Variants in HECTD4 observed in about 807,000 individuals in gnomAD.
The protein encoded by HECTD4 is probable E3 ubiquitin-protein ligase HECTD4.
HECTD4 carries 114 observed loss-of-function variants against 471.5 expected under a neutral mutation model. The ratio of observed to expected loss-of-function variants is 0.24; its 90% CI spans 0.21 to 0.28. The LOEUF is 0.28. Ranked by LOEUF, HECTD4 falls within the 10% of genes least tolerant of loss-of-function variation. The probability of loss-of-function intolerance (pLI) is 1.00; values close to 1 mark genes in which losing one functional copy is unlikely to be tolerated. For synonymous variants in HECTD4, 2,012 were observed against 2,256.0 expected (o/e 0.89, Z 3.07); for missense variants, 3,866 against 5,651.5 (o/e 0.68, Z 10.13).
At chr12:112,168,411 T>C (rs946872820) in intron 70 of HECTD4, among the ~76,000 whole-genome samples, 3 of 152,192 alleles carry the variant, frequency 2.0e-5, no homozygotes, top group Non-Finnish European at 4.4e-5. Context: ...AATGTGTGAA[T>C]GTGCAAAGGG....
At chr12:112,220,926 G>T (rs1485335609) in intron 44 of HECTD4, among the ~76,000 whole-genome samples, 1 of 152,162 alleles carries the variant, frequency 6.6e-6, no homozygotes, top group Non-Finnish European at 1.5e-5. Context: ...ACCAGCCTGG[G>T]AGACATAGTG....
At chr12:112,181,090 C>G (rs941029371) in intron 62 of HECTD4, among the ~76,000 whole-genome samples, 3 of 151,306 alleles carry the variant, frequency 2.0e-5, no homozygotes, top group African/African-American at 4.9e-5. Flanking sequence ...ACTGCTTGAA[C>G]CCGGGAGGTG....
intron 7 of HECTD4, chr12:112,302,595 C>T (rs1356060948): frequency 1.5e-6 from 1 of 659,426 alleles, no homozygotes; most frequent in African/African-American, 1.8e-5. Flanking sequence ...TCACCACTTT[C>T]TTGGCCTCCT....
rs906177494 is a variant in HECTD4, at chr12:112,173,141, C to T, written c.11595-280G>A. Among the ~76,000 whole-genome samples the T allele has an allele frequency of 1.3e-5, 2 of 152,156 alleles. No homozygotes were observed. The highest frequency in any genetic ancestry group is 2.9e-5 in the Non-Finnish European group (2 of 68,046). ...TCACTCCTGTGTGTCGGCAGCAGCACGTGAGGGTGAAGGAGGAGCTCCTAA... is the reference window on the plus strand; with the variant it reads ...TCACTCCTGTGTGTCGGCAGCAGCATGTGAGGGTGAAGGAGGAGCTCCTAA... On this transcript the variant is annotated intron_variant, in intron 66 of 75. Transcript: ENST00000682272. This position sits in a 1 kb window ranked among gnomAD's most constrained non-coding sequence, Gnocchi z 4.3.
At chr12:112,297,617 G>T (rs2035069508) in intron 7 of HECTD4, among the ~76,000 whole-genome samples, 1 of 152,034 alleles carries the variant, frequency 6.6e-6, no homozygotes, top group Non-Finnish European at 1.5e-5. Context: ...AGACACAGAT[G>T]CCATTATCTG....
intron 52 of HECTD4, among the ~76,000 whole-genome samples, chr12:112,207,122 GTA>G (rs1593929908): frequency 7.0e-6 from 1 of 142,744 alleles, no homozygotes; most frequent in African/African-American, 3.0e-5. Flanking sequence ...GTGTGTGTAT[GTA>G]TGTATGTATG....
At chr12:112,171,002 G>A in intron 68 of HECTD4, 115 bp downstream of exon 68, 1 of 798,636 alleles carries the variant, frequency 1.3e-6, no homozygotes, top group Non-Finnish European at 1.9e-6. Context: ...AGGTTGAGGT[G>A]GGGTGGCATC....
At position 112,346,028 on chromosome 12, in the gene HECTD4, G is replaced by A. The variant is rs141505861; in HGVS notation, c.178-26286C>T. On this transcript the variant is annotated intron_variant, in intron 1 of 75. Coordinates refer to ENST00000682272, the MANE Select transcript of HECTD4 (RefSeq NM_001388303.1). ...TTTACCAAATGTTTATGATGTGCTG[G>A]AATAAGAAGCTTCCATTCGCTATAG... Among the ~76,000 whole-genome samples, 474 of 152,346 alleles carry A rather than the reference G, an allele frequency of 3.1e-3. 19 individuals are homozygous for A. The South Asian group carries it at 0.082, about 26-fold the overall frequency.
chr12:112,206,629 C>G (rs948592924), intron 52 of HECTD4, among the ~76,000 whole-genome samples: 1 of 151,152 alleles, frequency 6.6e-6, no homozygotes, highest in South Asian at 2.1e-4. Context: ...CTCTGCCTCC[C>G]GGGTTCCTGC....
At chr12:112,244,430 G>A (rs1304466047) in intron 29 of HECTD4, among the ~76,000 whole-genome samples, 1 of 152,138 alleles carries the variant, frequency 6.6e-6, no homozygotes, top group Non-Finnish European at 1.5e-5. Context: ...GTGCAGTGGT[G>A]TGATCTCAGC....
intron 17 of HECTD4, chr12:112,261,662 T>C: frequency 2.5e-6 from 1 of 404,132 alleles, no homozygotes; most frequent in Non-Finnish European, 4.6e-6. Context: ...CTGACAGAAA[T>C]ACGCAGTATT....
chr12:112,300,428 G>A (rs751750339), intron 7 of HECTD4, among the ~76,000 whole-genome samples: 1 of 151,778 alleles, frequency 6.6e-6, no homozygotes, highest in African/African-American at 2.4e-5. Context: ...GGTGCTTTTC[G>A]AATTGCTCAA....
chr12:112,254,567 A>C (rs1450057028), intron 21 of HECTD4, among the ~76,000 whole-genome samples: 1 of 152,246 alleles, frequency 6.6e-6, no homozygotes, highest in Non-Finnish European at 1.5e-5. Flanking sequence ...AAAATTAATA[A>C]AGTGAGCAAA....
chr12:112,165,504 A>G (rs1434429470), intron 72 of HECTD4, among the ~76,000 whole-genome samples: 2 of 151,588 alleles, frequency 1.3e-5, no homozygotes, highest in African/African-American at 4.9e-5. Context: ...GGCGCCCGCC[A>G]CCATGCCTGG....
intron 13 of HECTD4, 65 bp from the exon 14 acceptor site, chr12:112,267,047 A>C: frequency 1.1e-6 from 1 of 896,862 alleles, no homozygotes; most frequent in Non-Finnish European, 1.7e-6. Context: ...CTAAATATTT[A>C]AATTCATATT....
Position 112,210,226 on chromosome 12 carries a change from G to T in HECTD4, c.7656C>A (p.Gly2552=). The change falls in exon 50 of 76, where the codon GGC becomes GGA. Residue 2552 remains glycine, a synonymous_variant. Transcript: ENST00000682272. The stretch of plus-strand genomic sequence containing the variant: ...CTTCCGCGTAGGCAAACGGCCGGGA[G>T]CCAAAGTTAGCTCGGGTTTTGGTGT... ...KKNTKTRANF[G]SRPFAYAEGQ... 1.9e-6 allele frequency: 3 copies of T among 1,613,958 alleles called. No homozygotes were observed. The highest frequency in any genetic ancestry group is 2.5e-6 in the Non-Finnish European group (3 of 1,179,814).
intron 1 of HECTD4, among the ~76,000 whole-genome samples, chr12:112,345,559 C>T (rs543520768): frequency 3.5e-4 from 53 of 152,162 alleles, no homozygotes; most frequent in African/African-American, 1.3e-3. Context: ...TAATGAGGTT[C>T]GAGTAATTTA....
rs1034920716 is a variant in HECTD4, at chr12:112,213,640, T to C, written c.7466-990A>G. ...GGCGGAGGTTGCAGTGAGCCAAGATTGTGCCACTGCACTTCAGCCTGGGCG... is the reference window on the plus strand; with the variant it reads ...GGCGGAGGTTGCAGTGAGCCAAGATCGTGCCACTGCACTTCAGCCTGGGCG... On this transcript the variant is annotated intron_variant, in intron 48 of 75. Coordinates refer to ENST00000682272, the MANE Select transcript of HECTD4 (RefSeq NM_001388303.1). This position sits in a 1 kb window ranked among gnomAD's most constrained non-coding sequence, Gnocchi z 4.0. 2.6e-5 allele frequency among the ~76,000 whole-genome samples: 4 copies of C among 151,048 alleles called. No homozygotes were observed. Among genetic ancestry groups the C allele is most frequent in the African/African-American group, 9.7e-5 (4 of 41,154 alleles).
In HECTD4 at chr12:112,163,612, G is replaced by A. The variant is rs535516940; in HGVS notation, c.12827C>T (p.Thr4276Ile). The A allele has an allele frequency of 1.3e-6, 2 of 1,538,552 alleles. No homozygotes were observed. The highest frequency in any genetic ancestry group is 4.1e-5 in the Admixed American group (2 of 49,100). Residue 4276 changes from threonine (T) to isoleucine (I), a missense_variant, in exon 74 of 76, where the codon ACC becomes ATC. By Grantham distance (89) the Thr-to-Ile change is moderately conservative. Transcript: ENST00000682272. The surrounding 1 kb of genome is among the most constrained non-coding windows in gnomAD (Gnocchi z 8.2). ...LGSIIPLQLL[T>I]MLSPLEMELR... The stretch of plus-strand genomic sequence containing the variant: ...CTCCATCTCCAGTGGGCTGAGCATG[G>A]TCAGCAGCTGCAGGGGGATGATGGA...
Sources: gnomAD v4.1 joint callset for allele counts (sites outside exome capture counted in the v4.1 genomes callset) on GRCh38, gnomAD v4.1.1 for gene constraint, Gnocchi (gnomAD v3.1) non-coding constraint, MANE v1.5 for transcripts, NCBI Gene and HGNC (gene_info 2026-07-23, HGNC 2026-07-21) for gene names.